The following TRPC7 variants were observed in gnomAD, a reference collection of about 807,000 sequenced individuals.
The protein encoded by TRPC7 is short transient receptor potential channel 7.
Under a neutral mutation model 90.1 loss-of-function variants are expected in TRPC7, and 42 were observed. The ratio of observed to expected loss-of-function variants is 0.47; its 90% CI spans 0.36 to 0.60. TRPC7 has a LOEUF of 0.60. Ranked by LOEUF, TRPC7 falls within the 20% of genes least tolerant of loss-of-function variation. The pLI is 0.00. For synonymous variants in TRPC7, 451 were observed against 436.3 expected (o/e 1.03, Z -0.42); for missense variants, 955 against 1,112.3 (o/e 0.86, Z 2.01).
rs1378391342 is a variant in TRPC7 at position 136,230,626 on chromosome 5, A to G, written c.2040+728T>C. On this transcript the variant is annotated intron_variant, in intron 8 of 11. Transcript: ENST00000513104. ...TCGTAGTCTATTTAATTAGATTCCTATTAATGCTCAGTTTGTTTTTAATTT... is the reference window on the plus strand; with the variant it reads ...TCGTAGTCTATTTAATTAGATTCCTGTTAATGCTCAGTTTGTTTTTAATTT... 5.9e-5 allele frequency among the ~76,000 whole-genome samples: 9 copies of G among 152,296 alleles called. No individual in the cohort carries two copies. In the East Asian group the frequency reaches 1.7e-3, roughly 29 times the overall value.
chr5:136,355,340 A>T (rs561503498), intron 2 of TRPC7, among the ~76,000 whole-genome samples: 39 of 152,314 alleles, frequency 2.6e-4, no homozygotes, highest in South Asian at 1.7e-3. Flanking sequence ...TTAGATTAGA[A>T]AAATGGTTTC....
intron 8 of TRPC7, among the ~76,000 whole-genome samples, chr5:136,230,039 G>T (rs1433282139): frequency 6.6e-6 from 1 of 152,158 alleles, no homozygotes; most frequent in African/African-American, 2.4e-5. Context: ...GTACAAAACA[G>T]TCTTTCTCAT....
intron 7 of TRPC7, among the ~76,000 whole-genome samples, chr5:136,242,789 T>C (rs1007361530): frequency 2.0e-5 from 3 of 152,142 alleles, no homozygotes; most frequent in African/African-American, 7.2e-5. Context: ...AGAACTACTA[T>C]AATCAGACTC....
chr5:136,346,707 A>G (rs980882391), intron 2 of TRPC7, among the ~76,000 whole-genome samples: 1 of 152,138 alleles, frequency 6.6e-6, no homozygotes, highest in Admixed American at 6.5e-5. Flanking sequence ...CCTAGAATAT[A>G]TGACCCATGG....
chr5:136,224,491 C>T (rs564593831), intron 10 of TRPC7, among the ~76,000 whole-genome samples: 3 of 152,254 alleles, frequency 2.0e-5, no homozygotes, highest in Middle Eastern at 3.4e-3. Flanking sequence ...GGGTGTGCCT[C>T]GCCCTCCCCA....
chr5:136,357,262 G>C lies in TRPC7; in HGVS notation c.126C>G (p.Pro42=), dbSNP rs1439154291. Residue 42 remains proline, a synonymous_variant, in exon 2 of 12, where the codon CCC becomes CCG. Transcript: ENST00000513104. ...CCGAGTCCAGGAAGCGCTCCTCCTC[G>C]GGCGTCAGACTGGTGCCCTTCTCGT... is the stretch of plus-strand genomic sequence containing the variant. ...MFNEKGTSLT[P]EEERFLDSAE... 2 of 1,613,460 alleles carry C rather than the reference G, an allele frequency of 1.2e-6. No individual in the cohort carries two copies. The highest frequency in any genetic ancestry group is 3.3e-5 in the Admixed American group (2 of 60,020).
chr5:136,305,830 G>A (rs1269124628), intron 3 of TRPC7, among the ~76,000 whole-genome samples: 2 of 152,120 alleles, frequency 1.3e-5, no homozygotes, highest in Admixed American at 1.3e-4. Flanking sequence ...CAGACTAAAG[G>A]TCTTTTAAAA....
chr5:136,247,788 G>A lies in TRPC7; in HGVS notation c.1580-53C>T. The A allele has an allele frequency of 6.4e-7, 1 of 1,564,646 alleles. No homozygotes were observed. The highest frequency in any genetic ancestry group is 8.7e-7 in the Non-Finnish European group (1 of 1,155,508). On this transcript the variant is annotated intron_variant, in intron 6 of 11. Coordinates refer to ENST00000513104, the MANE Select transcript of TRPC7 (RefSeq NM_020389.3). This position sits in a 1 kb window ranked among gnomAD's most constrained non-coding sequence, Gnocchi z 4.2. ...CGAGGCCACAGGATCTATTCTAGAA[G>A]AGAAACCAGTTAGGCATCTTTAGAG...
chr5:136,214,023 G>A lies in TRPC7; in HGVS notation c.2420-419C>T, dbSNP rs116500204. 619 of 166,658 alleles carry A rather than the reference G, an allele frequency of 3.7e-3. 10 individuals are homozygous for A. Among genetic ancestry groups the A allele is most frequent in the African/African-American group, 0.014 (602 of 41,846 alleles). The allele number at this position is 166,658 out of a possible 1,614,324, so 10.3% of individuals were successfully genotyped here. On this transcript the variant is annotated intron_variant, in intron 11 of 11. Transcript: ENST00000513104. ...TGATGCTATGTTTTGTTCTGTCATT[G>A]TTATTTGTAGGGAGGAGAAACTCCC...
chr5:136,355,010 G>A (rs1760317306), intron 2 of TRPC7, among the ~76,000 whole-genome samples: 1 of 152,196 alleles, frequency 6.6e-6, no homozygotes, highest in South Asian at 2.1e-4. Context: ...CCCATTCTTG[G>A]CTGTATAATT....
chr5:136,341,639 T>C (rs1759851439), intron 2 of TRPC7, among the ~76,000 whole-genome samples: 1 of 152,194 alleles, frequency 6.6e-6, no homozygotes, highest in African/African-American at 2.4e-5. Context: ...GGGTGATTTT[T>C]CATATCATAT....
intron 3 of TRPC7, among the ~76,000 whole-genome samples, chr5:136,295,558 C>A (rs752935270): frequency 6.6e-6 from 1 of 152,144 alleles, no homozygotes; most frequent in African/African-American, 2.4e-5. Flanking sequence ...GTCCCCTCCC[C>A]GTCCACTGTG....
intron 2 of TRPC7, among the ~76,000 whole-genome samples, chr5:136,351,428 G>A (rs182931663): frequency 6.6e-6 from 1 of 152,332 alleles, no homozygotes; most frequent in East Asian, 1.9e-4. Flanking sequence ...TCAAGGAAAT[G>A]TATAATATTT....
At chr5:136,323,939 C>A (rs2149843033) in intron 2 of TRPC7, among the ~76,000 whole-genome samples, 1 of 152,244 alleles carries the variant, frequency 6.6e-6, no homozygotes. Flanking sequence ...ATTCTCCAAA[C>A]CACAAAGATA....
intron 6 of TRPC7, among the ~76,000 whole-genome samples, chr5:136,251,282 G>A (rs931329696): frequency 1.3e-5 from 2 of 152,114 alleles, no homozygotes; most frequent in Non-Finnish European, 2.9e-5. Context: ...AAATTCTTCC[G>A]CATATACATA....
chr5:136,332,704 G>T (rs975745060), intron 2 of TRPC7, among the ~76,000 whole-genome samples: 7 of 152,178 alleles, frequency 4.6e-5, no homozygotes, highest in African/African-American at 1.4e-4. Flanking sequence ...TAAGGTTTTG[G>T]CTTGAGCAAC....
At chr5:136,271,209 C>T (rs1460809596) in intron 4 of TRPC7, among the ~76,000 whole-genome samples, 1 of 152,192 alleles carries the variant, frequency 6.6e-6, no homozygotes, top group Non-Finnish European at 1.5e-5. Context: ...ATAGATTGCA[C>T]ACTACAAAGA....
At chr5:136,228,435 C>A in intron 8 of TRPC7, among the ~76,000 whole-genome samples, 1 of 115,416 alleles carries the variant, frequency 8.7e-6, no homozygotes, top group African/African-American at 3.6e-5. Flanking sequence ...TTTTATAGTT[C>A]CTTTTTTTTT....
chr5:136,344,124 A>G (rs1283560466), intron 2 of TRPC7, among the ~76,000 whole-genome samples: 1 of 152,194 alleles, frequency 6.6e-6, no homozygotes, highest in Non-Finnish European at 1.5e-5. Context: ...CCTTTGCGGC[A>G]ACATGATGGA....
Sources: gnomAD v4.1 joint callset for allele counts (sites outside exome capture counted in the v4.1 genomes callset) on GRCh38, gnomAD v4.1.1 for gene constraint, Gnocchi (gnomAD v3.1) non-coding constraint, MANE v1.5 for transcripts, NCBI Gene and HGNC (gene_info 2026-07-23, HGNC 2026-07-21) for gene names.